GRM8: variants seen among roughly 807,000 people sequenced by gnomAD.
The protein encoded by GRM8 is metabotropic glutamate receptor 8.
GRM8 carries 47 observed loss-of-function variants against 87.2 expected under a neutral mutation model. The observed-to-expected ratio is 0.54, with a 90% CI of 0.43 to 0.69. The LOEUF is 0.69. Among genes scored for constraint, GRM8 ranks in the 30% least tolerant of loss-of-function variants. The pLI is 0.00. For synonymous variants in GRM8, 396 were observed against 404.5 expected (o/e 0.98, Z 0.25); for missense variants, 1,019 against 1,139.2 (o/e 0.89, Z 1.52).
intron 7 of GRM8, among the ~76,000 whole-genome samples, chr7:126,631,221 A>T (rs10954126): frequency 0.31 from 46,815 of 152,022 alleles, 8,084 homozygotes; most frequent in East Asian, 0.43. Flanking sequence ...AAAAATCACT[A>T]GCATTTCTAT....
chr7:126,994,994 C>G (rs1187269311), intron 3 of GRM8, among the ~76,000 whole-genome samples: 1 of 152,134 alleles, frequency 6.6e-6, no homozygotes, highest in Non-Finnish European at 1.5e-5. Flanking sequence ...GTGGTGGTGG[C>G]CACAGGGGTG....
chr7:126,596,851 A>C (rs1313068999), intron 8 of GRM8, among the ~76,000 whole-genome samples: 1 of 152,184 alleles, frequency 6.6e-6, no homozygotes, highest in African/African-American at 2.4e-5. Flanking sequence ...AAATGTTATC[A>C]TTGGAAAAAA....
intron 8 of GRM8, among the ~76,000 whole-genome samples, chr7:126,607,230 C>A (rs967320009): frequency 6.6e-6 from 1 of 152,152 alleles, no homozygotes; most frequent in East Asian, 1.9e-4. Flanking sequence ...TTTCATGAAG[C>A]ACCTAGAAGT....
intron 6 of GRM8, among the ~76,000 whole-genome samples, chr7:126,781,887 T>A (rs1820114959): frequency 6.6e-6 from 1 of 152,134 alleles, no homozygotes; most frequent in South Asian, 2.1e-4. Flanking sequence ...AGCTAATTTT[T>A]AAATTTTTTG....
intron 2 of GRM8, among the ~76,000 whole-genome samples, chr7:127,163,688 C>T (rs1018374959): frequency 6.6e-6 from 1 of 152,030 alleles, no homozygotes; most frequent in African/African-American, 2.4e-5. Context: ...TTAAATGAAG[C>T]GTGTTTGGTC....
intron 2 of GRM8, among the ~76,000 whole-genome samples, chr7:127,212,639 G>C (rs1371520505): frequency 6.6e-6 from 1 of 151,796 alleles, no homozygotes; most frequent in Non-Finnish European, 1.5e-5. Flanking sequence ...GGATGGTCTC[G>C]ATCTCCTGAC....
At chr7:126,757,381 C>T (rs958838334) in intron 7 of GRM8, among the ~76,000 whole-genome samples, 1 of 152,036 alleles carries the variant, frequency 6.6e-6, no homozygotes, top group Non-Finnish European at 1.5e-5. Flanking sequence ...GTGTGGGGTG[C>T]TTTCAATTTA....
At chr7:127,142,896 T>C (rs1257815207) in intron 2 of GRM8, among the ~76,000 whole-genome samples, 5 of 152,152 alleles carry the variant, frequency 3.3e-5, no homozygotes, top group African/African-American at 9.7e-5. Flanking sequence ...AATATATTTA[T>C]TAGTGTAAGT....
At chr7:127,145,680 T>G (rs1587131314) in intron 2 of GRM8, among the ~76,000 whole-genome samples, 1 of 152,122 alleles carries the variant, frequency 6.6e-6, no homozygotes, top group Non-Finnish European at 1.5e-5. Context: ...TTCAACACTT[T>G]GAAGCAGAGT....
chr7:126,571,086 T>C (rs545245886), intron 8 of GRM8, among the ~76,000 whole-genome samples: 2 of 152,306 alleles, frequency 1.3e-5, no homozygotes, highest in East Asian at 3.9e-4. Context: ...TGACTTGCTG[T>C]TCATCGCTCC....
chr7:126,680,561 G>T (rs1807435121), intron 7 of GRM8, among the ~76,000 whole-genome samples: 1 of 152,122 alleles, frequency 6.6e-6, no homozygotes, highest in Non-Finnish European at 1.5e-5. Context: ...GTTAGGTCTT[G>T]CCTCTCAGTG....
chr7:126,531,639 A>G (rs1224510179), intron 9 of GRM8, among the ~76,000 whole-genome samples: 2 of 152,174 alleles, frequency 1.3e-5, no homozygotes, highest in African/African-American at 4.8e-5. Context: ...TCTGAGAGAA[A>G]ATGGTTATTT....
At chr7:127,088,072 TGACA>T (rs1823689070) in intron 3 of GRM8, among the ~76,000 whole-genome samples, 1 of 152,252 alleles carries the variant, frequency 6.6e-6, no homozygotes. Flanking sequence ...GCCATGTTTA[TGACA>T]GTCAAACAAA....
At chr7:127,083,390 T>C (rs11563725) in intron 3 of GRM8, among the ~76,000 whole-genome samples, 1,834 of 152,198 alleles carry the variant, frequency 0.012, 39 homozygotes, top group African/African-American at 0.042. Flanking sequence ...CAACCACAGC[T>C]TTATTTAGGA....
At chr7:126,631,451 T>C (rs768191936) in intron 7 of GRM8, among the ~76,000 whole-genome samples, 2 of 152,072 alleles carry the variant, frequency 1.3e-5, no homozygotes, top group African/African-American at 2.4e-5. Flanking sequence ...AAAATGGCCA[T>C]ACTGCCCAAA....
intron 7 of GRM8, among the ~76,000 whole-genome samples, chr7:126,740,679 T>C (rs1011646856): frequency 2.6e-5 from 4 of 152,170 alleles, no homozygotes; most frequent in African/African-American, 7.2e-5. Context: ...ATTTCTGACA[T>C]GAACTCAGCA....
At chr7:126,441,932 T>C (rs1043985759) in intron 10 of GRM8, among the ~76,000 whole-genome samples, 2 of 152,080 alleles carry the variant, frequency 1.3e-5, no homozygotes, top group African/African-American at 2.4e-5. Context: ...TAGGTTATTA[T>C]TGTGGCACCC....
intron 7 of GRM8, among the ~76,000 whole-genome samples, chr7:126,722,175 C>G (rs564691873): frequency 2.0e-5 from 3 of 152,214 alleles, no homozygotes; most frequent in Non-Finnish European, 1.5e-5. Context: ...TCTCCAGAAC[C>G]CTGCATGAGG....
intron 6 of GRM8, among the ~76,000 whole-genome samples, chr7:126,790,359 G>C (rs922189812): frequency 3.3e-5 from 5 of 152,236 alleles, no homozygotes; most frequent in Non-Finnish European, 7.4e-5. Flanking sequence ...TTTAAAAAAT[G>C]CATAATACTA....
Sources: allele counts gnomAD v4.1 joint callset (sites outside exome capture counted in the v4.1 genomes callset), GRCh38; gene constraint gnomAD v4.1.1; transcripts MANE v1.5; gene names NCBI Gene and HGNC (gene_info 2026-07-23, HGNC 2026-07-21).